Variants in ERBB4 observed in about 807,000 individuals in gnomAD.
ERBB4 encodes the protein receptor tyrosine-protein kinase erbB-4.
In ERBB4, 42 loss-of-function variants were observed where a neutral mutation model predicts 158.0. The ratio of observed to expected loss-of-function variants is 0.27; its 90% CI spans 0.21 to 0.34. The LOEUF (loss-of-function observed/expected upper bound fraction) is 0.34, where lower values mean the gene tolerates loss of function less well. Among genes scored for constraint, ERBB4 ranks in the 10% least tolerant of loss-of-function variants. ERBB4 has a pLI of 1.00. For synonymous variants in ERBB4, 583 were observed against 558.7 expected (o/e 1.04, Z -0.61); for missense variants, 1,333 against 1,624.1 (o/e 0.82, Z 3.08).
chr2:211,930,343 A>G lies in ERBB4; in HGVS notation c.421+17087T>C, dbSNP rs371875478. 6.5e-4 allele frequency among the ~76,000 whole-genome samples: 99 copies of G among 152,330 alleles called. 2 individuals carry two copies. The South Asian group carries it at 0.018, about 28-fold the overall frequency. ...TTACAGTGGTTCTAAGCAATGTGAGAGTTTAAGCTGTCAATTACCTTATTT... is the reference window on the plus strand; with the variant it reads ...TTACAGTGGTTCTAAGCAATGTGAGGGTTTAAGCTGTCAATTACCTTATTT... On this transcript the variant is annotated intron_variant, in intron 3 of 27. Transcript: ENST00000342788.
At chr2:212,178,668 T>C (rs1016761976) in intron 1 of ERBB4, among the ~76,000 whole-genome samples, 3 of 151,732 alleles carry the variant, frequency 2.0e-5, no homozygotes, top group African/African-American at 7.2e-5. Flanking sequence ...CATCCTAGTA[T>C]GGCGGAATGA....
chr2:211,381,619 C>T lies in ERBB4; in HGVS notation c.*1996G>A, dbSNP rs1175213920. On this transcript the variant is annotated 3_prime_UTR_variant, in exon 28 of 28. Coordinates refer to ENST00000342788, the MANE Select transcript of ERBB4 (RefSeq NM_005235.3). ...TGATATTCCATTTATCTGAGTGTTC[C>T]CCACAAAACATGGTGCTTTTAGTAG... 2 of 231,128 alleles carry T rather than the reference C, an allele frequency of 8.7e-6. No homozygotes were observed. Among genetic ancestry groups the T allele is most frequent in the African/African-American group, 4.4e-5 (2 of 45,168 alleles). The allele number at this position is 231,128 out of a possible 1,614,324, so 14.3% of individuals were successfully genotyped here.
At chr2:211,436,174 A>T (rs976727934) in intron 20 of ERBB4, among the ~76,000 whole-genome samples, 1 of 152,218 alleles carries the variant, frequency 6.6e-6, no homozygotes, top group African/African-American at 2.4e-5. Flanking sequence ...GAAAAAAACT[A>T]TTATCTGGTG....
chr2:211,715,716 A>G (rs1404591760), intron 7 of ERBB4, among the ~76,000 whole-genome samples: 1 of 152,242 alleles, frequency 6.6e-6, no homozygotes, highest in East Asian at 1.9e-4. Flanking sequence ...CATGGAAGAC[A>G]TAATTGCTTC....
chr2:212,463,761 T>A (rs1432429132), intron 1 of ERBB4, among the ~76,000 whole-genome samples: 1 of 152,112 alleles, frequency 6.6e-6, no homozygotes, highest in Non-Finnish European at 1.5e-5. Context: ...TTCGATTAGC[T>A]TCATGAATCA....
rs1253647941 is a variant in ERBB4 at position 211,377,855 on chromosome 2, GAC to G, written c.*5758_*5759del. The G allele has an allele frequency of 1.3e-5, 3 of 232,730 alleles. No individual in the cohort carries two copies. Among genetic ancestry groups the G allele is most frequent in the Non-Finnish European group, 2.6e-5 (3 of 117,620 alleles). The allele number at this position is 232,730 out of a possible 1,614,324, so 14.4% of individuals were successfully genotyped here. On this transcript the variant is annotated 3_prime_UTR_variant, in exon 28 of 28. Transcript: ENST00000342788. ...CTCGTCTCAAATTCCTATAGGGAAGGACACAGAGAATTGATCTTCATGGGAAA... is the reference window on the plus strand; with the variant it reads ...CTCGTCTCAAATTCCTATAGGGAAGGACAGAGAATTGATCTTCATGGGAAA...
intron 3 of ERBB4, among the ~76,000 whole-genome samples, chr2:211,875,653 G>A (rs1156277653): frequency 6.6e-6 from 1 of 152,114 alleles, no homozygotes; most frequent in Non-Finnish European, 1.5e-5. Flanking sequence ...CCTAAGTGCA[G>A]TGTTTATAAA....
chr2:211,968,116 C>G (rs991766873), intron 2 of ERBB4, among the ~76,000 whole-genome samples: 3 of 151,966 alleles, frequency 2.0e-5, no homozygotes, highest in Non-Finnish European at 2.9e-5. Flanking sequence ...TTTCAAACTA[C>G]TTTAAAAAGC....
At chr2:211,889,934 G>A (rs1443350195) in intron 3 of ERBB4, among the ~76,000 whole-genome samples, 2 of 128,160 alleles carry the variant, frequency 1.6e-5, no homozygotes, top group Non-Finnish European at 3.3e-5. Flanking sequence ...TCTGATTGGT[G>A]TACCTGAAAG....
intron 1 of ERBB4, among the ~76,000 whole-genome samples, chr2:212,171,694 T>C (rs1390577174): frequency 6.6e-6 from 1 of 152,164 alleles, no homozygotes; most frequent in Non-Finnish European, 1.5e-5. Context: ...GTTTGATGGT[T>C]ACTCCTTTAC....
chr2:212,007,254 A>G (rs1161827814), intron 2 of ERBB4, among the ~76,000 whole-genome samples: 3 of 151,940 alleles, frequency 2.0e-5, no homozygotes, highest in Non-Finnish European at 4.4e-5. Context: ...TTCTGTTTGT[A>G]AAGGAAAAAA....
At chr2:211,995,080 T>C (rs1192726310) in intron 2 of ERBB4, among the ~76,000 whole-genome samples, 1 of 152,204 alleles carries the variant, frequency 6.6e-6, no homozygotes, top group African/African-American at 2.4e-5. Context: ...GTGGGGAGGA[T>C]GCCCAGAGTC....
At chr2:211,953,535 G>A (rs1159389570) in intron 2 of ERBB4, among the ~76,000 whole-genome samples, 1 of 149,938 alleles carries the variant, frequency 6.7e-6, no homozygotes, top group African/African-American at 2.5e-5. Context: ...CTCTGGTTCT[G>A]GCTCAGTAAC....
intron 20 of ERBB4, among the ~76,000 whole-genome samples, chr2:211,547,073 A>G (rs1050872379): frequency 6.6e-6 from 1 of 152,090 alleles, no homozygotes; most frequent in Non-Finnish European, 1.5e-5. Context: ...AATTTGTGTA[A>G]AACCAGTGAA....
chr2:211,854,374 C>A (rs967744545), intron 3 of ERBB4, among the ~76,000 whole-genome samples: 5 of 151,900 alleles, frequency 3.3e-5, no homozygotes, highest in African/African-American at 1.2e-4. Context: ...GAAATATGTT[C>A]ATCAATTTTC....
intron 2 of ERBB4, among the ~76,000 whole-genome samples, chr2:212,037,948 T>A (rs1447015853): frequency 6.6e-6 from 1 of 152,114 alleles, no homozygotes; most frequent in Non-Finnish European, 1.5e-5. Flanking sequence ...TCTCAGGGAT[T>A]TTGAAAAAAT....
chr2:212,291,773 A>G (rs17346713), intron 1 of ERBB4, among the ~76,000 whole-genome samples: 27,697 of 152,068 alleles, frequency 0.18, 2,954 homozygotes, highest in South Asian at 0.34. Flanking sequence ...CAGAGAAATC[A>G]AATTTAACAG....
chr2:212,287,512 T>C (rs1046956466), intron 1 of ERBB4, among the ~76,000 whole-genome samples: 4 of 152,178 alleles, frequency 2.6e-5, no homozygotes, highest in African/African-American at 7.2e-5. Flanking sequence ...AAGATTCTTG[T>C]GAACTGATCC....
chr2:211,647,388 T>C lies in ERBB4; in HGVS notation c.1946+10366A>G, dbSNP rs376307639. Among the ~76,000 whole-genome samples the C allele has an allele frequency of 1.9e-4, 29 of 151,750 alleles. No homozygotes were observed. In the East Asian group the frequency reaches 3.9e-3, roughly 20 times the overall value. ...TCTCATCTACATTTCTCAAAAGATA[T>C]CAACACTTGGAGAAACTTCCATATC... is the stretch of plus-strand genomic sequence containing the variant. On this transcript the variant is annotated intron_variant, in intron 16 of 27. Transcript: ENST00000342788.
Sources: gnomAD v4.1 joint callset for allele counts (sites outside exome capture counted in the v4.1 genomes callset) on GRCh38, gnomAD v4.1.1 for gene constraint, MANE v1.5 for transcripts, NCBI Gene and HGNC (gene_info 2026-07-23, HGNC 2026-07-21) for gene names.